The following KLHL26 variants were observed in gnomAD, a reference collection of about 807,000 sequenced individuals.
KLHL26 encodes the protein kelch like family member 26.
A neutral mutation model predicts 7.1 loss-of-function variants in KLHL26; 4 were observed. The ratio of observed to expected loss-of-function variants is 0.56; its 90% CI spans 0.28 to 1.28. The LOEUF (loss-of-function observed/expected upper bound fraction) is 1.28, where lower values mean the gene tolerates loss of function less well. Ranked by LOEUF, KLHL26 falls within the 50% of genes most tolerant of loss-of-function variation. The pLI, the probability that KLHL26 is intolerant of heterozygous loss-of-function variation, is 0.11. For missense variants in KLHL26, 896 were observed against 924.6 expected (o/e 0.97, Z 0.40); for synonymous variants, 465 against 414.1 (o/e 1.12, Z -1.49).
At chr19:18,641,849 G>A (rs955044502) in intron 1 of KLHL26, among the ~76,000 whole-genome samples, 3 of 151,050 alleles carry the variant, frequency 2.0e-5, no homozygotes, top group Admixed American at 6.6e-5. Flanking sequence ...GGCTGGTCTC[G>A]ATCTCTTGAC....
chr19:18,666,013 A>T (rs972928090), intron 2 of KLHL26, among the ~76,000 whole-genome samples: 6 of 152,334 alleles, frequency 3.9e-5, no homozygotes, highest in African/African-American at 1.2e-4. Context: ...CCCAGCCAGC[A>T]ATGCCCTTTA....
intron 1 of KLHL26, among the ~76,000 whole-genome samples, chr19:18,658,197 TG>T (rs1389009053): frequency 2.0e-5 from 3 of 152,110 alleles, no homozygotes; most frequent in Non-Finnish European, 4.4e-5. Flanking sequence ...CCCCGGCTGC[TG>T]GGGATTTGTG....
rs1976808386 is a variant in KLHL26, at chr19:18,646,721, C to A, written c.83+9584C>A. Among the ~76,000 whole-genome samples the A allele has an allele frequency of 6.6e-6, 1 of 152,246 alleles. No individual in the cohort carries two copies. Among genetic ancestry groups the A allele is most frequent in the Non-Finnish European group, 1.5e-5 (1 of 68,044 alleles). On this transcript the variant is annotated intron_variant, in intron 1 of 2. Transcript: ENST00000300976. The surrounding 1 kb of genome is among the most constrained non-coding windows in gnomAD (Gnocchi z 5.0). ...GGGACACTGCCATCCTTCTGCCCGC[C>A]ATGCCCGCATGGGCCTTGAGGGGAT...
chr19:18,654,118 T>C, intron 1 of KLHL26, among the ~76,000 whole-genome samples: 2 of 107,094 alleles, frequency 1.9e-5, no homozygotes, highest in African/African-American at 3.7e-5. Flanking sequence ...CACCCACCCA[T>C]CCACCTGCCC....
Position 18,667,881 on chromosome 19 carries a change from G to C in KLHL26, c.484G>C (p.Val162Leu), listed in dbSNP as rs777837649. 5 of 1,612,650 alleles carry C rather than the reference G, an allele frequency of 3.1e-6. No homozygotes were observed. Among genetic ancestry groups the C allele is most frequent in the Non-Finnish European group, 4.2e-6 (5 of 1,180,008 alleles). ...GGAGTTCCTGAAGGCGGCCATGAGC[G>C]TGGAGACCTGCCTCAACATCGGCCA... ...CEEFLKAAMS[V>L]ETCLNIGQMA... The change falls in exon 3 of 3, where the codon GTG (valine) becomes CTG (leucine). Residue 162 changes from valine to leucine, a missense_variant. Transcript: ENST00000300976.
intron 1 of KLHL26, among the ~76,000 whole-genome samples, chr19:18,660,670 C>T (rs569901058): frequency 6.6e-6 from 1 of 152,312 alleles, no homozygotes; most frequent in South Asian, 2.1e-4. Flanking sequence ...TCTCGCTTCT[C>T]CGTCCAGGCT....
At chr19:18,657,238 T>A (rs114791165) in intron 1 of KLHL26, among the ~76,000 whole-genome samples, 2,410 of 151,390 alleles carry the variant, frequency 0.016, 27 homozygotes, top group South Asian at 0.049. Context: ...TCTCCCTGTC[T>A]CTGGGTCTGT....
At chr19:18,651,981 G>C (rs958553310) in intron 1 of KLHL26, among the ~76,000 whole-genome samples, 1 of 152,212 alleles carries the variant, frequency 6.6e-6, no homozygotes, top group Non-Finnish European at 1.5e-5. Context: ...CTGCCCACTC[G>C]TCAGCCCTGG....
Position 18,668,923 on chromosome 19 carries a change from G to T in KLHL26, c.1526G>T (p.Arg509Leu), listed in dbSNP as rs201304510. Residue 509 changes from arginine to leucine, a missense_variant, in exon 3 of 3, where the codon CGC becomes CTC. Physicochemically the swap from Arg to Leu is moderately radical, Grantham distance 102. Coordinates refer to ENST00000300976, the MANE Select transcript of KLHL26 (RefSeq NM_018316.3). ...CACGCCATGGTGGGTGCCGGCGGCC[G>T]CATCTATGCCCTCGGGGGCCGCATG... ...VLHAMVGAGG[R>L]IYALGGRMDH... 1.2e-6 allele frequency: 2 copies of T among 1,607,338 alleles called. No homozygotes were observed. Among genetic ancestry groups the T allele is most frequent in the Middle Eastern group, 1.7e-4 (1 of 6,052 alleles).
chr19:18,643,074 C>T (rs1434996748), intron 1 of KLHL26, among the ~76,000 whole-genome samples: 2 of 150,936 alleles, frequency 1.3e-5, no homozygotes, highest in Non-Finnish European at 3.0e-5. Flanking sequence ...CCTCGTGATC[C>T]ACCTGCCTTG....
chr19:18,662,280 A>C (rs558683685), intron 1 of KLHL26, among the ~76,000 whole-genome samples: 1 of 152,302 alleles, frequency 6.6e-6, no homozygotes, highest in South Asian at 2.1e-4. Flanking sequence ...TCAAAATGGC[A>C]AAGGCTGGCA....
Position 18,669,299 on chromosome 19 carries a change from T to C in KLHL26, c.*54T>C. ...ACCGCATGTTGTCTCCAAGTGGGGC[T>C]TGGCGAATGCACGTCTGCCTGAGAA... On this transcript the variant is annotated 3_prime_UTR_variant, in exon 3 of 3. Coordinates refer to ENST00000300976, the MANE Select transcript of KLHL26 (RefSeq NM_018316.3). 1 of 1,436,574 alleles carries C rather than the reference T, an allele frequency of 7.0e-7. No homozygotes were observed. The highest frequency in any genetic ancestry group is 9.6e-7 in the Non-Finnish European group (1 of 1,045,448). 89.0% of individuals were successfully genotyped at this position (1,436,574 alleles called of 1,614,324 possible). A position where few individuals can be genotyped will look rare whatever the true frequency, so the allele number is the denominator to read the frequency against.
intron 1 of KLHL26, 110 bp downstream of exon 1, chr19:18,637,247 G>A (rs1409946103): frequency 9.0e-7 from 1 of 1,116,988 alleles, no homozygotes; most frequent in East Asian, 3.2e-5. Flanking sequence ...CGGCTCGAGG[G>A]TCTTTCGCTG....
chr19:18,644,036 C>T (rs530646092), intron 1 of KLHL26, among the ~76,000 whole-genome samples: 45 of 152,326 alleles, frequency 3.0e-4, no homozygotes, highest in Admixed American at 2.5e-3. Context: ...TCTTTGTCCC[C>T]GCAAAAGGTG....
chr19:18,656,716 G>C lies in KLHL26; in HGVS notation c.84-7545G>C, dbSNP rs1328612045. On this transcript the variant is annotated intron_variant, in intron 1 of 2. Transcript: ENST00000300976. This position sits in a 1 kb window ranked among gnomAD's most constrained non-coding sequence, Gnocchi z 4.4. ...CCTCAGTAGCGCGGGGCTCTTGGAG[G>C]AGGCTTGAGGGTGGGTGGGTGGGGA... Among the ~76,000 whole-genome samples the C allele has an allele frequency of 7.2e-6, 1 of 138,838 alleles. No homozygotes were observed. The highest frequency in any genetic ancestry group is 2.6e-5 in the African/African-American group (1 of 38,906). The allele number at this position is 138,838 out of a possible 152,430, so 91.1% of individuals were successfully genotyped here.
At chr19:18,638,762 G>A (rs1358739974) in intron 1 of KLHL26, among the ~76,000 whole-genome samples, 2 of 152,044 alleles carry the variant, frequency 1.3e-5, no homozygotes, top group African/African-American at 4.8e-5. Flanking sequence ...GTGCAGTGAC[G>A]CCACCAAGGC....
chr19:18,662,849 TGGGGAGGGGAGGAAGG>T (rs2052405450), intron 1 of KLHL26, among the ~76,000 whole-genome samples: 1 of 150,658 alleles, frequency 6.6e-6, no homozygotes, highest in Non-Finnish European at 1.5e-5. Flanking sequence ...GGCCGATGTG[TGGGGAGGGGAGGAAGG>T]GAGGAGGGGA....
Position 18,664,738 on chromosome 19 carries a change from T to A in KLHL26, c.266+295T>A, listed in dbSNP as rs374836283. On this transcript the variant is annotated intron_variant, in intron 2 of 2. Coordinates refer to ENST00000300976, the MANE Select transcript of KLHL26 (RefSeq NM_018316.3). The stretch of plus-strand genomic sequence containing the variant: ...CTGGGAGTACAGGCACCCGCCACCA[T>A]GCCCAGCTAATTTTTTTTGTATTTT... 3.6e-4 allele frequency among the ~76,000 whole-genome samples: 54 copies of A among 150,522 alleles called. No individual in the cohort carries two copies. The Middle Eastern group carries it at 0.01, about 29-fold the overall frequency.
chr19:18,671,319 A>G lies in KLHL26; in HGVS notation c.*2074A>G, dbSNP rs2145418268. On this transcript the variant is annotated 3_prime_UTR_variant, in exon 3 of 3. Transcript: ENST00000300976. The stretch of plus-strand genomic sequence containing the variant: ...GGTTGGGAACCTAAAAGAAGCCCAC[A>G]CTGTCAGGGGCATCGAGACAAAAGC... 1 of 152,352 alleles carries G rather than the reference A, an allele frequency of 6.6e-6. No homozygotes were observed. The highest frequency in any genetic ancestry group is 2.1e-4 in the South Asian group (1 of 4,830). 9.4% of individuals were successfully genotyped at this position (152,352 alleles called of 1,614,324 possible).
Sources: allele counts gnomAD v4.1 joint callset (sites outside exome capture counted in the v4.1 genomes callset), GRCh38; gene constraint gnomAD v4.1.1; non-coding constraint Gnocchi (gnomAD v3.1); transcripts MANE v1.5; gene names NCBI Gene and HGNC (gene_info 2026-07-23, HGNC 2026-07-21).